The following NHSL1 variants were observed in gnomAD, a reference collection of about 807,000 sequenced individuals.
NHSL1 encodes NHS-like protein 1.
Under a neutral mutation model 95.0 loss-of-function variants are expected in NHSL1, and 48 were observed. The observed-to-expected ratio is 0.51, with a 90% CI of 0.40 to 0.64. NHSL1 has a LOEUF of 0.64. Ranked by LOEUF, NHSL1 falls within the 30% of genes least tolerant of loss-of-function variation. The probability of loss-of-function intolerance (pLI) is 0.00; values close to 1 mark genes in which losing one functional copy is unlikely to be tolerated. For synonymous variants in NHSL1, 783 were observed against 833.9 expected (o/e 0.94, Z 1.05); for missense variants, 1,971 against 2,077.7 (o/e 0.95, Z 1.00).
chr6:138,543,420 G>A (rs180817933), intron 1 of NHSL1, among the ~76,000 whole-genome samples: 2 of 152,272 alleles, frequency 1.3e-5, no homozygotes, highest in Non-Finnish European at 2.9e-5. Context: ...AGGCCAAATT[G>A]ACAAAAAGCT....
rs79805354 is a variant in NHSL1 at position 138,604,322 on chromosome 6, C to G, written c.96+88154G>C. 5.8e-3 allele frequency among the ~76,000 whole-genome samples: 886 copies of G among 152,248 alleles called. 10 individuals carry two copies. The highest frequency in any genetic ancestry group is 0.019 in the African/African-American group (784 of 41,522). On this transcript the variant is annotated intron_variant, in intron 1 of 3. Transcript: ENST00000491526. ...GAGGCTTCCCTGTATTCATGAAAAG[C>G]CATGTATGAGAAGTAATCATCTAAG... is the stretch of plus-strand genomic sequence containing the variant.
intron 4 of NHSL1, 29 bp downstream of exon 4, chr6:138,446,972 T>G (rs1275310964): frequency 6.5e-6 from 10 of 1,548,570 alleles, no homozygotes; most frequent in African/African-American, 5.5e-5. Flanking sequence ...CCAAGTACAT[T>G]CTGAACCTGT....
chr6:138,618,468 C>T (rs776621534), intron 1 of NHSL1, among the ~76,000 whole-genome samples: 4 of 152,220 alleles, frequency 2.6e-5, no homozygotes, highest in Admixed American at 6.5e-5. Flanking sequence ...ACTTTTCAAA[C>T]AAATATACTA....
At chr6:138,505,652 CAAAAAAAAA>C (rs10559023) in intron 1 of NHSL1, among the ~76,000 whole-genome samples, 13 of 87,714 alleles carry the variant, frequency 1.5e-4, no homozygotes, top group Admixed American at 5.3e-4. Context: ...GACTCCATTT[CAAAAAAAAA>C]AAAAAAAAAA....
intron 1 of NHSL1, among the ~76,000 whole-genome samples, chr6:138,561,315 G>A (rs1015549740): frequency 6.6e-6 from 1 of 152,104 alleles, no homozygotes; most frequent in Admixed American, 6.5e-5. Flanking sequence ...TGGCGGGTGC[G>A]GGGCATGGAA....
At chr6:138,502,989 A>C (rs1315652157), upstream of NHSL1, among the ~76,000 whole-genome samples, 1 of 152,212 alleles carries the variant, frequency 6.6e-6, no homozygotes, top group Non-Finnish European at 1.5e-5. Flanking sequence ...CTGTCTTCCT[A>C]CTTGTCTCTG....
At chr6:138,570,431 A>G (rs546246090) in intron 1 of NHSL1, among the ~76,000 whole-genome samples, 1 of 152,372 alleles carries the variant, frequency 6.6e-6, no homozygotes, top group East Asian at 1.9e-4. Context: ...CTCCAGCCAG[A>G]AAGCACAAAT....
At chr6:138,525,067 A>G (rs1021258531) in intron 1 of NHSL1, among the ~76,000 whole-genome samples, 1 of 152,104 alleles carries the variant, frequency 6.6e-6, no homozygotes, top group Non-Finnish European at 1.5e-5. Context: ...CACCATGGAC[A>G]TTTCTAGTCC....
chr6:138,552,148 T>C (rs1783029435), intron 1 of NHSL1, among the ~76,000 whole-genome samples: 1 of 152,154 alleles, frequency 6.6e-6, no homozygotes, highest in Admixed American at 6.5e-5. Context: ...GGGCCGGGCA[T>C]GGTGGCTCAT....
At chr6:138,688,527 C>T (rs1014294450) in intron 1 of NHSL1, among the ~76,000 whole-genome samples, 1 of 151,908 alleles carries the variant, frequency 6.6e-6, no homozygotes, top group African/African-American at 2.4e-5. Flanking sequence ...ATCTGTAATC[C>T]CAGCTACTCA....
chr6:138,426,615 C>T (rs1272239126), intron 7 of NHSL1, among the ~76,000 whole-genome samples: 1 of 152,142 alleles, frequency 6.6e-6, no homozygotes, highest in African/African-American at 2.4e-5. Context: ...TTAGTTTTTA[C>T]GTGGCTTACA....
Position 138,424,576 on chromosome 6 carries a change from G to A in NHSL1, c.4326C>T (p.Leu1442=). 6.4e-7 allele frequency: 1 copy of A among 1,551,676 alleles called. No individual in the cohort carries two copies. Among genetic ancestry groups the A allele is most frequent in the Non-Finnish European group, 8.7e-7 (1 of 1,146,982 alleles). The change falls in exon 8 of 8, where the codon CTC becomes CTT. Residue 1442 remains leucine, a synonymous_variant. Coordinates refer to ENST00000343505, the MANE Select transcript of NHSL1 (RefSeq NM_001144060.2). The surrounding 1 kb of genome is among the most constrained non-coding windows in gnomAD (Gnocchi z 5.9). ...TSARMSAAEM[L]KNTDPRFQRS... is the part of the protein sequence containing the mutation. ...TCTGGAATCTAGGGTCTGTGTTCTT[G>A]AGCATCTCTGCTGCAGACATGCGGG...
intron 3 of NHSL1, among the ~76,000 whole-genome samples, chr6:138,468,566 C>A (rs1778541101): frequency 6.6e-6 from 1 of 152,156 alleles, no homozygotes; most frequent in African/African-American, 2.4e-5. Flanking sequence ...GTTGTGCGCT[C>A]CTTATGAGAC....
In NHSL1 at chr6:138,430,096, C is replaced by A. The variant is rs984941956; in HGVS notation, c.3953-253G>T. ...TAAATTTTGTTGCAACGTTTCTTTG[C>A]GCGGCTCTTCGGAAGGGAGGTGTTA... On this transcript the variant is annotated intron_variant, in intron 6 of 7. Transcript: ENST00000343505. This position sits in a 1 kb window ranked among gnomAD's most constrained non-coding sequence, Gnocchi z 4.7. Among the ~76,000 whole-genome samples, 1 of 152,184 alleles carries A rather than the reference C, an allele frequency of 6.6e-6. No homozygotes were observed. Among genetic ancestry groups the A allele is most frequent in the African/African-American group, 2.4e-5 (1 of 41,436 alleles).
At chr6:138,585,877 T>C (rs1407623866) in intron 1 of NHSL1, among the ~76,000 whole-genome samples, 1 of 142,170 alleles carries the variant, frequency 7.0e-6, no homozygotes, top group East Asian at 2.1e-4. Context: ...TCCCAGTCTC[T>C]ACAAAAAAAA....
At chr6:138,469,530 C>T (rs1281383135) in intron 3 of NHSL1, among the ~76,000 whole-genome samples, 1 of 152,086 alleles carries the variant, frequency 6.6e-6, no homozygotes, top group Non-Finnish European at 1.5e-5. Flanking sequence ...TCCAGACCAG[C>T]CTGGGCAACA....
At chr6:138,622,765 A>G (rs1365152919) in intron 1 of NHSL1, among the ~76,000 whole-genome samples, 1 of 152,224 alleles carries the variant, frequency 6.6e-6, no homozygotes, top group African/African-American at 2.4e-5. Context: ...TTGATTACTC[A>G]CTATAATTAT....
chr6:138,566,322 C>G (rs1053530539), intron 1 of NHSL1, among the ~76,000 whole-genome samples: 3 of 151,468 alleles, frequency 2.0e-5, no homozygotes, highest in African/African-American at 7.3e-5. Flanking sequence ...AACTAGAACC[C>G]GGGAGGCAGA....
rs966066582 is a variant in NHSL1, at chr6:138,424,148, C to G, written c.4754G>C (p.Gly1585Ala). 3.5e-6 allele frequency: 5 copies of G among 1,441,844 alleles called. No homozygotes were observed. The African/African-American group carries it at 7.2e-5, about 21-fold the overall frequency. 89.3% of individuals were successfully genotyped at this position (1,441,844 alleles called of 1,614,324 possible). Reference sequence around the variant, plus strand: ...CTCTCTGCCCTCTGCACTGGCTGTCCCATCCACAGGGCCGGGGGCCTGGGG... The same window carrying G: ...CTCTCTGCCCTCTGCACTGGCTGTCGCATCCACAGGGCCGGGGGCCTGGGG... ...LQPQAPGPVD[G>A]TASAEGREPS... Residue 1585 changes from glycine (G) to alanine (A), a missense_variant, in exon 8 of 8, where the codon GGG (glycine) becomes GCG (alanine). By Grantham distance (60) the Gly-to-Ala change is moderately conservative. Around this residue, in one of 3 missense-constraint regions of NHSL1, gnomAD observed 223 missense variants for 217.0 expected, o/e 1.03. Transcript: ENST00000343505. This position sits in a 1 kb window ranked among gnomAD's most constrained non-coding sequence, Gnocchi z 5.9.
Sources: allele counts gnomAD v4.1 joint callset (sites outside exome capture counted in the v4.1 genomes callset), GRCh38; gene constraint gnomAD v4.1.1; regional missense constraint gnomAD v4.1.1; non-coding constraint Gnocchi (gnomAD v3.1); transcripts MANE v1.5; gene names NCBI Gene and HGNC (gene_info 2026-07-23, HGNC 2026-07-21).